THSD4: variants seen among roughly 807,000 people sequenced by gnomAD.
THSD4 encodes thrombospondin type-1 domain-containing protein 4.
In THSD4, 69 loss-of-function variants were observed where a neutral mutation model predicts 119.0. The ratio of observed to expected loss-of-function variants is 0.58; its 90% CI spans 0.48 to 0.71. The LOEUF (loss-of-function observed/expected upper bound fraction) is 0.71, where lower values mean the gene tolerates loss of function less well. Among genes scored for constraint, THSD4 ranks in the 30% least tolerant of loss-of-function variants. The pLI, the probability that THSD4 is intolerant of heterozygous loss-of-function variation, is 0.00. For synonymous variants in THSD4, 524 were observed against 540.4 expected, an observed-to-expected ratio of 0.97 and a Z score of 0.42; for missense variants, 1,393 against 1,391.1, an observed-to-expected ratio of 1.00 and a Z score of -0.02.
intron 3 of THSD4, among the ~76,000 whole-genome samples, chr15:71,170,039 T>C (rs1379013657): frequency 6.6e-6 from 1 of 152,130 alleles, no homozygotes; most frequent in Non-Finnish European, 1.5e-5. Context: ...CCAGGCATGA[T>C]GGTGAGTGCC....
intron 6 of THSD4, among the ~76,000 whole-genome samples, chr15:71,350,414 A>C (rs1444583093): frequency 2.0e-5 from 3 of 152,094 alleles, no homozygotes; most frequent in African/African-American, 7.2e-5. Flanking sequence ...TGGAACAGGA[A>C]TGAACCCTTT....
At chr15:71,628,761 C>T (rs369251262) in intron 7 of THSD4, among the ~76,000 whole-genome samples, 1 of 152,224 alleles carries the variant, frequency 6.6e-6, no homozygotes, top group Admixed American at 6.5e-5. Flanking sequence ...TTTGGTGACT[C>T]TTCCCCAGGT....
At chr15:71,657,008 T>A (rs2051204640) in intron 7 of THSD4, among the ~76,000 whole-genome samples, 1 of 152,160 alleles carries the variant, frequency 6.6e-6, no homozygotes, top group African/African-American at 2.4e-5. Context: ...AGTCCCCTCA[T>A]TCAGGCTGGG....
intron 6 of THSD4, among the ~76,000 whole-genome samples, chr15:71,362,543 CTG>C (rs1472534265): frequency 1.4e-4 from 22 of 152,196 alleles, no homozygotes; most frequent in African/African-American, 5.3e-4. Context: ...AGATTAAAGA[CTG>C]TGAAAATAAA....
chr15:71,707,133 A>G (rs374650552), intron 8 of THSD4, among the ~76,000 whole-genome samples: 3 of 152,142 alleles, frequency 2.0e-5, no homozygotes, highest in East Asian at 1.9e-4. Flanking sequence ...AGTCCCAGCA[A>G]TCAGGTCAGT....
At chr15:71,575,926 G>A (rs536021225) in intron 7 of THSD4, among the ~76,000 whole-genome samples, 5 of 152,286 alleles carry the variant, frequency 3.3e-5, no homozygotes, top group African/African-American at 9.6e-5. Context: ...TCTCAATGCC[G>A]TTTGCACTGG....
chr15:71,280,704 C>T (rs774434623), intron 6 of THSD4, among the ~76,000 whole-genome samples: 8 of 151,954 alleles, frequency 5.3e-5, no homozygotes, highest in Non-Finnish European at 7.4e-5. Context: ...GTCCCTCCCT[C>T]ACTCTTTGCC....
chr15:71,611,921 A>G (rs2050237745), intron 7 of THSD4, among the ~76,000 whole-genome samples: 3 of 152,172 alleles, frequency 2.0e-5, no homozygotes, highest in South Asian at 4.1e-4. Context: ...GCTGTAAATT[A>G]GTTTGGAAAA....
At chr15:71,616,804 T>A (rs1248724540) in intron 7 of THSD4, among the ~76,000 whole-genome samples, 1 of 152,214 alleles carries the variant, frequency 6.6e-6, no homozygotes, top group Non-Finnish European at 1.5e-5. Flanking sequence ...GGTCTTCATC[T>A]CCAAGCATCT....
chr15:71,138,857 T>C (rs973007192), intron 1 of THSD4, among the ~76,000 whole-genome samples: 1 of 150,440 alleles, frequency 6.6e-6, no homozygotes, highest in African/African-American at 2.5e-5. Flanking sequence ...GGCTGTAATT[T>C]CTTGGTGTGT....
chr15:71,430,759 GAAAAAAAAAAA>G (rs397719477), intron 7 of THSD4, among the ~76,000 whole-genome samples: 7 of 82,958 alleles, frequency 8.4e-5, no homozygotes, highest in African/African-American at 9.6e-5. Flanking sequence ...TCTGTCTCAA[GAAAAAAAAAAA>G]AAAAAAAAAA....
intron 7 of THSD4, among the ~76,000 whole-genome samples, chr15:71,472,531 C>G (rs1460683423): frequency 6.6e-6 from 1 of 152,158 alleles, no homozygotes; most frequent in East Asian, 1.9e-4. Flanking sequence ...GAACTCCCCC[C>G]AGTTGAAGAT....
At chr15:71,654,880 T>G (rs2051158986) in intron 7 of THSD4, among the ~76,000 whole-genome samples, 1 of 152,150 alleles carries the variant, frequency 6.6e-6, no homozygotes, top group Admixed American at 6.5e-5. Flanking sequence ...TGCTTCCCAT[T>G]AGGGAATCAG....
chr15:71,320,222 T>G (rs2045248214), intron 6 of THSD4, among the ~76,000 whole-genome samples: 1 of 152,220 alleles, frequency 6.6e-6, no homozygotes, highest in Admixed American at 6.5e-5. Context: ...TAACCATTTC[T>G]CAGTTTAATG....
At chr15:71,665,001 T>C (rs1183958037) in intron 8 of THSD4, among the ~76,000 whole-genome samples, 1 of 152,206 alleles carries the variant, frequency 6.6e-6, no homozygotes, top group Non-Finnish European at 1.5e-5. Context: ...TTCCTTTGGG[T>C]ATATACCCAG....
chr15:71,272,591 T>C (rs1018091301), intron 6 of THSD4, among the ~76,000 whole-genome samples: 2 of 151,778 alleles, frequency 1.3e-5, no homozygotes, highest in African/African-American at 4.8e-5. Flanking sequence ...GAATGGCCAT[T>C]AGAAAAAAGA....
intron 8 of THSD4, among the ~76,000 whole-genome samples, chr15:71,719,426 GACTTGGTCT>G (rs1286556387): frequency 7.2e-5 from 11 of 152,190 alleles, no homozygotes; most frequent in African/African-American, 2.7e-4. Flanking sequence ...CATCAAACTA[GACTTGGTCT>G]ACCTAAGGAG....
At chr15:71,164,063 T>C (rs2043269839) in intron 3 of THSD4, among the ~76,000 whole-genome samples, 1 of 152,038 alleles carries the variant, frequency 6.6e-6, no homozygotes, top group Admixed American at 6.5e-5. Context: ...TTTGTAAATG[T>C]AAGTGGGCTA....
At chr15:71,743,523 TTTAA>T (rs1181442295) in intron 11 of THSD4, among the ~76,000 whole-genome samples, 1 of 152,240 alleles carries the variant, frequency 6.6e-6, no homozygotes, top group African/African-American at 2.4e-5. Context: ...ATCTGTTCTA[TTTAA>T]TGGAAGGAGA....
Sources: gnomAD v4.1 joint callset for allele counts (sites outside exome capture counted in the v4.1 genomes callset) on GRCh38, gnomAD v4.1.1 for gene constraint, MANE v1.5 for transcripts, NCBI Gene and HGNC (gene_info 2026-07-23, HGNC 2026-07-21) for gene names.